PLPP7: variants seen among roughly 807,000 people sequenced by gnomAD.
The protein encoded by PLPP7 is inactive phospholipid phosphatase 7.
PLPP7 carries 11 observed loss-of-function variants against 16.9 expected under a neutral mutation model. The observed-to-expected ratio is 0.65, with a 90% CI of 0.41 to 1.08. The LOEUF (loss-of-function observed/expected upper bound fraction) is 1.08, where lower values mean the gene tolerates loss of function less well. Ranked by LOEUF, PLPP7 falls within the 50% of genes least tolerant of loss-of-function variation. The pLI, the probability that PLPP7 is intolerant of heterozygous loss-of-function variation, is 0.00. For synonymous variants in PLPP7, 174 were observed against 175.1 expected, an observed-to-expected ratio of 0.99 and a Z score of 0.05; for missense variants, 358 against 397.1, an observed-to-expected ratio of 0.90 and a Z score of 0.84.
At position 131,289,740 on chromosome 9, in the gene PLPP7, A is replaced by G; in HGVS notation, c.-258A>G. The G allele has an allele frequency of 2.6e-6, 1 of 387,928 alleles. No homozygotes were observed. Among genetic ancestry groups the G allele is most frequent in the Non-Finnish European group, 4.6e-6 (1 of 219,692 alleles). The allele number at this position is 387,928 out of a possible 1,614,324, so 24.0% of individuals were successfully genotyped here. A position where few individuals can be genotyped will look rare whatever the true frequency, so the allele number is the denominator to read the frequency against. On this transcript the variant is annotated 5_prime_UTR_variant, in exon 1 of 2. Transcript: ENST00000372264. ...GCCAGGCCGCAGCTGTGGACTCCTC[A>G]CCTCCCGGAGGCTCTGCTGGTGCAG...
At chr9:131,306,319 A>T (rs1303487258) in intron 1 of PLPP7, among the ~76,000 whole-genome samples, 1 of 151,960 alleles carries the variant, frequency 6.6e-6, no homozygotes, top group Non-Finnish European at 1.5e-5. Context: ...AGGCAAGCGG[A>T]TCACTTGAGG....
intron 1 of PLPP7, among the ~76,000 whole-genome samples, chr9:131,305,774 G>A (rs551540572): frequency 1.6e-4 from 24 of 152,148 alleles, no homozygotes; most frequent in African/African-American, 4.3e-4. Flanking sequence ...AACTACAGGC[G>A]TATGCCATCA....
intron 1 of PLPP7, among the ~76,000 whole-genome samples, chr9:131,301,131 G>A (rs1835794503): frequency 1.3e-5 from 2 of 152,092 alleles, no homozygotes; most frequent in South Asian, 4.2e-4. Flanking sequence ...ACCACATCCA[G>A]CTAATTTTTG....
rs145237839 is a variant in PLPP7 at position 131,308,138 on chromosome 9, C to G, written c.667C>G (p.Leu223Val). 6.2e-7 allele frequency: 1 copy of G among 1,600,956 alleles called. No individual in the cohort carries two copies. The highest frequency in any genetic ancestry group is 1.7e-5 in the Admixed American group (1 of 60,020). The change falls in exon 2 of 2, where the codon CTC (leucine) becomes GTC (valine). Residue 223 changes from leucine to valine, a missense_variant. Coordinates refer to ENST00000372264, the MANE Select transcript of PLPP7 (RefSeq NM_032728.4). ...GCGTGTGCTGCTGGTGCTCTGGGCC[C>G]TCTGCGTGGGCCTGTCCCGCGTGAT... ...PLRVLLVLWA[L>V]CVGLSRVMIG... is the part of the protein sequence containing the mutation.
intron 1 of PLPP7, among the ~76,000 whole-genome samples, chr9:131,296,661 G>A (rs979656532): frequency 1.3e-5 from 2 of 152,224 alleles, no homozygotes; most frequent in Non-Finnish European, 2.9e-5. Context: ...GCCGCAGCTT[G>A]GGTCACGTGC....
intron 1 of PLPP7, among the ~76,000 whole-genome samples, chr9:131,304,716 G>A (rs1228520782): frequency 6.6e-6 from 1 of 152,210 alleles, no homozygotes; most frequent in Non-Finnish European, 1.5e-5. Flanking sequence ...AACTACGTTT[G>A]GAGACTGTGG....
At chr9:131,305,218 G>A (rs1835841361) in intron 1 of PLPP7, among the ~76,000 whole-genome samples, 1 of 152,196 alleles carries the variant, frequency 6.6e-6, no homozygotes. Flanking sequence ...GCAGCCGAAA[G>A]GCGCAAACAA....
At chr9:131,307,138 C>T (rs375651397) in intron 1 of PLPP7, among the ~76,000 whole-genome samples, 4 of 150,852 alleles carry the variant, frequency 2.7e-5, no homozygotes, top group South Asian at 2.1e-4. Context: ...CCCAGCTACT[C>T]GGGAGGCTGA....
At chr9:131,291,015 C>T (rs1204844781) in intron 1 of PLPP7, 2 of 1,337,046 alleles carry the variant, frequency 1.5e-6, no homozygotes, top group African/African-American at 3.0e-5. Context: ...TGGAGTTCTT[C>T]CCTGCTCCTT....
rs759277564 is a variant in PLPP7 at position 131,289,977 on chromosome 9, C to G, written c.-21C>G. On this transcript the variant is annotated 5_prime_UTR_variant, in exon 1 of 2. Transcript: ENST00000372264. Reference sequence around the variant, plus strand: ...TTGGAGCCGGGCTGGCATCGGCCTTCTCGGGGTGAGCGAGGTCACCATGCC... The same window carrying G: ...TTGGAGCCGGGCTGGCATCGGCCTTGTCGGGGTGAGCGAGGTCACCATGCC... The G allele has an allele frequency of 7.0e-7, 1 of 1,420,002 alleles. No individual in the cohort carries two copies. Among genetic ancestry groups the G allele is most frequent in the East Asian group, 2.6e-5 (1 of 37,992 alleles). The allele number at this position is 1,420,002 out of a possible 1,614,324, so 88.0% of individuals were successfully genotyped here.
intron 1 of PLPP7, among the ~76,000 whole-genome samples, chr9:131,305,217 A>C (rs11244365): frequency 0.051 from 7,756 of 152,282 alleles, 309 homozygotes; most frequent in East Asian, 0.19. Context: ...GGCAGCCGAA[A>C]GGCGCAAACA....
intron 1 of PLPP7, among the ~76,000 whole-genome samples, chr9:131,297,138 C>T (rs1047914627): frequency 6.6e-6 from 1 of 152,250 alleles, no homozygotes; most frequent in African/African-American, 2.4e-5. Context: ...AATACACTGC[C>T]CTGGCAGCTG....
chr9:131,298,331 C>T (rs1835758067), intron 1 of PLPP7, among the ~76,000 whole-genome samples: 1 of 152,162 alleles, frequency 6.6e-6, no homozygotes. Context: ...GGATGAGAAG[C>T]AGGATTGACT....
At chr9:131,305,620 G>C (rs183385313) in intron 1 of PLPP7, among the ~76,000 whole-genome samples, 81 of 151,840 alleles carry the variant, frequency 5.3e-4, no homozygotes, top group African/African-American at 1.9e-3. Context: ...TAGCCTCCTG[G>C]GTAGCTGGGA....
chr9:131,303,539 C>T (rs906655288), intron 1 of PLPP7, among the ~76,000 whole-genome samples: 5 of 150,514 alleles, frequency 3.3e-5, no homozygotes, highest in South Asian at 2.1e-4. Flanking sequence ...CTGAACATTC[C>T]GATAAATACT....
rs768659064 is a variant in PLPP7, at chr9:131,308,185, G to A, written c.714G>A (p.Thr238=). The A allele has an allele frequency of 8.7e-6, 14 of 1,600,032 alleles. No homozygotes were observed. The highest frequency in any genetic ancestry group is 4.5e-5 in the East Asian group (2 of 44,872). ...TGATGATCGGCCGCCACCACGTCAC[G>A]GACGTCCTCTCCGGCTTTGTCATCG... is the stretch of plus-strand genomic sequence containing the variant. The part of the protein sequence containing the change: ...SRVMIGRHHV[T]DVLSGFVIGY... Residue 238 remains threonine, a synonymous_variant, in exon 2 of 2, where the codon ACG becomes ACA. Coordinates refer to ENST00000372264, the MANE Select transcript of PLPP7 (RefSeq NM_032728.4).
At chr9:131,299,417 G>A (rs1363832131) in intron 1 of PLPP7, among the ~76,000 whole-genome samples, 3 of 151,678 alleles carry the variant, frequency 2.0e-5, no homozygotes, top group Non-Finnish European at 2.9e-5. Context: ...GAGTGATGGT[G>A]CCGTTTGCTT....
intron 1 of PLPP7, among the ~76,000 whole-genome samples, chr9:131,305,598 ACT>A (rs1442637230): frequency 6.6e-6 from 1 of 151,538 alleles, no homozygotes; most frequent in African/African-American, 2.4e-5. Context: ...ACAGGGTCTC[ACT>A]CTGTCACCTT....
At position 131,295,666 on chromosome 9, in the gene PLPP7, C is replaced by T. The variant is rs565488538; in HGVS notation, c.451+5218C>T. Among the ~76,000 whole-genome samples, 9 of 151,926 alleles carry T rather than the reference C, an allele frequency of 5.9e-5. No homozygotes were observed. The East Asian group carries it at 1.6e-3, about 26-fold the overall frequency. On this transcript the variant is annotated intron_variant, in intron 1 of 1. Transcript: ENST00000372264. The surrounding 1 kb of genome is among the most constrained non-coding windows in gnomAD (Gnocchi z 4.0). ...CATTAAGCACTGACTCCCCACTCCC[C>T]TTCCCCCAGCCCCTGGCAACCTCCA...
Sources: gnomAD v4.1 joint callset for allele counts (sites outside exome capture counted in the v4.1 genomes callset) on GRCh38, gnomAD v4.1.1 for gene constraint, Gnocchi (gnomAD v3.1) non-coding constraint, MANE v1.5 for transcripts, NCBI Gene and HGNC (gene_info 2026-07-23, HGNC 2026-07-21) for gene names.